Variants in TMC1 observed in about 807,000 individuals in gnomAD.
The protein encoded by TMC1 is transmembrane channel like 1.
Under a neutral mutation model 105.8 loss-of-function variants are expected in TMC1, and 84 were observed. The observed-to-expected ratio is 0.79, with a 90% CI of 0.67 to 0.95. TMC1 has a LOEUF of 0.95. TMC1 is among the 40% of genes least tolerant of loss of function. TMC1 has a pLI of 0.00. For missense variants in TMC1, 817 were observed against 914.1 expected (o/e 0.89, Z 1.37); for synonymous variants, 315 against 311.5 (o/e 1.01, Z -0.12).
intron 4 of TMC1, among the ~76,000 whole-genome samples, chr9:72,643,168 T>C (rs934968758): frequency 2.6e-5 from 4 of 152,092 alleles, no homozygotes; most frequent in Admixed American, 2.6e-4. Flanking sequence ...ATTCTGCCTT[T>C]TTTCTCTCCT....
At chr9:72,831,997 C>A (rs940497883) in intron 23 of TMC1, among the ~76,000 whole-genome samples, 7 of 151,736 alleles carry the variant, frequency 4.6e-5, no homozygotes, top group African/African-American at 1.7e-4. Context: ...GCTCTGTGGC[C>A]CAGGCTGGAG....
intron 4 of TMC1, among the ~76,000 whole-genome samples, chr9:72,632,942 A>G (rs1329151824): frequency 2.6e-5 from 4 of 152,074 alleles, no homozygotes; most frequent in Admixed American, 2.6e-4. Flanking sequence ...GTTCTCTTTC[A>G]TTGGTAAAGG....
intron 12 of TMC1, among the ~76,000 whole-genome samples, chr9:72,759,137 G>A (rs1052146072): frequency 1.3e-5 from 2 of 152,090 alleles, no homozygotes; most frequent in African/African-American, 4.8e-5. Context: ...TTAGAATCTA[G>A]GGGCTTGGAG....
At chr9:72,834,570 A>G (rs547420368) in intron 23 of TMC1, among the ~76,000 whole-genome samples, 16 of 152,192 alleles carry the variant, frequency 1.1e-4, no homozygotes, top group Non-Finnish European at 1.8e-4. Context: ...CAGAGAGTAA[A>G]GATTTGCCTG....
chr9:72,711,819 T>C (rs1402712745), intron 8 of TMC1, among the ~76,000 whole-genome samples: 1 of 152,206 alleles, frequency 6.6e-6, no homozygotes, highest in Non-Finnish European at 1.5e-5. Context: ...TTGCTTTTGG[T>C]GTTTTAGTCA....
In TMC1 at chr9:72,709,098, C is replaced by T. The variant is rs76082430; in HGVS notation, c.362+8455C>T. Among the ~76,000 whole-genome samples the T allele has an allele frequency of 4.9e-3, 737 of 151,924 alleles. 15 individuals carry two copies. In the East Asian group the frequency reaches 0.06, roughly 12 times the overall value. ...CCATGCAGAGGGAGGGGGATCCTCT[C>T]TTGCTGCATCTATTGAGATGATCAT... On this transcript the variant is annotated intron_variant, in intron 8 of 23. Transcript: ENST00000297784.
intron 12 of TMC1, among the ~76,000 whole-genome samples, chr9:72,769,638 C>A (rs147513059): frequency 6.6e-6 from 1 of 152,138 alleles, no homozygotes; most frequent in Non-Finnish European, 1.5e-5. Flanking sequence ...GTTGGAGATA[C>A]GATTACCCTA....
At chr9:72,768,734 G>C (rs1827877694) in intron 12 of TMC1, among the ~76,000 whole-genome samples, 1 of 152,148 alleles carries the variant, frequency 6.6e-6, no homozygotes, top group Admixed American at 6.5e-5. Flanking sequence ...AGATGAGCTG[G>C]CTGCCCCCAG....
chr9:72,714,495 A>G (rs530317580), intron 8 of TMC1, among the ~76,000 whole-genome samples: 1 of 152,218 alleles, frequency 6.6e-6, no homozygotes, highest in East Asian at 1.9e-4. Flanking sequence ...TTCTTGTTGC[A>G]TTGATCCCTT....
chr9:72,598,441 T>C (rs2132110515), intron 2 of TMC1, among the ~76,000 whole-genome samples: 1 of 151,180 alleles, frequency 6.6e-6, no homozygotes, highest in African/African-American at 2.4e-5. Context: ...CAAAGTAAGT[T>C]TTTTTTTTTT....
At chr9:72,523,893 A>C (rs1264616849) in intron 1 of TMC1, among the ~76,000 whole-genome samples, 3 of 152,244 alleles carry the variant, frequency 2.0e-5, no homozygotes, top group Non-Finnish European at 4.4e-5. Context: ...CAAAGCCGGT[A>C]AATGCTTTGC....
intron 4 of TMC1, among the ~76,000 whole-genome samples, chr9:72,639,970 T>A (rs542228474): frequency 6.6e-6 from 1 of 152,216 alleles, no homozygotes; most frequent in Non-Finnish European, 1.5e-5. Flanking sequence ...AAGAACCAAT[T>A]TCATAGCCTA....
At chr9:72,810,349 T>C (rs373981998) in intron 18 of TMC1, among the ~76,000 whole-genome samples, 2 of 152,164 alleles carry the variant, frequency 1.3e-5, no homozygotes, top group Admixed American at 6.5e-5. Context: ...TTCTACTGTA[T>C]GCATGCATGT....
At chr9:72,570,067 T>C (rs191511847) in intron 1 of TMC1, among the ~76,000 whole-genome samples, 1 of 152,274 alleles carries the variant, frequency 6.6e-6, no homozygotes, top group African/African-American at 2.4e-5. Flanking sequence ...CAGAGGAATA[T>C]AATGAGCCCT....
intron 1 of TMC1, among the ~76,000 whole-genome samples, chr9:72,561,826 G>A (rs1824055746): frequency 6.6e-6 from 1 of 152,136 alleles, no homozygotes; most frequent in Non-Finnish European, 1.5e-5. Context: ...GGGTCACAGA[G>A]TTGGAGATGT....
chr9:72,806,769 C>A (rs1443929646), intron 18 of TMC1, among the ~76,000 whole-genome samples: 1 of 151,322 alleles, frequency 6.6e-6, no homozygotes, highest in East Asian at 2.0e-4. Flanking sequence ...AGACGCTCCT[C>A]ACTTTCCAGA....
At chr9:72,592,923 A>C (rs1353517446) in intron 2 of TMC1, among the ~76,000 whole-genome samples, 1 of 152,182 alleles carries the variant, frequency 6.6e-6, no homozygotes. Flanking sequence ...TGTGTGAACC[A>C]GCAATAGCGC....
chr9:72,805,528 T>C lies in TMC1; in HGVS notation c.1695+18T>C. On this transcript the variant is annotated intron_variant, in intron 18 of 23. Transcript: ENST00000297784. ...ATGGATATGTAAGTATGATGTTAAT[T>C]TTGCTTTTTTTTTTTTTTAAATTTA... 6.4e-7 allele frequency: 1 copy of C among 1,572,950 alleles called. No individual in the cohort carries two copies. The highest frequency in any genetic ancestry group is 8.6e-7 in the Non-Finnish European group (1 of 1,166,216).
chr9:72,751,788 G>A (rs1036361471), intron 10 of TMC1, 62 bp from the exon 11 acceptor site: 5 of 1,073,920 alleles, frequency 4.7e-6, no homozygotes, highest in Non-Finnish European at 7.2e-6. Flanking sequence ...CCAAGACAAA[G>A]CTCTTTTTGT....
Sources: gnomAD v4.1 joint callset for allele counts (sites outside exome capture counted in the v4.1 genomes callset) on GRCh38, gnomAD v4.1.1 for gene constraint, MANE v1.5 for transcripts, NCBI Gene and HGNC (gene_info 2026-07-23, HGNC 2026-07-21) for gene names.